ZNF277: variants seen among roughly 807,000 people sequenced by gnomAD.
ZNF277 encodes nuclear receptor-interacting factor 4.
In ZNF277, 55 loss-of-function variants were observed where a neutral mutation model predicts 60.7. That is an observed-to-expected ratio of 0.91 (90% CI 0.73 to 1.13). The LOEUF is 1.13. ZNF277 is among the 50% of genes most tolerant of loss of function. The pLI is 0.00. For missense variants in ZNF277, 510 were observed against 523.0 expected (o/e 0.98, Z 0.24); for synonymous variants, 178 against 179.3 (o/e 0.99, Z 0.06).
intron 1 of ZNF277, among the ~76,000 whole-genome samples, chr7:112,230,066 T>C (rs745658784): frequency 6.6e-6 from 1 of 152,232 alleles, no homozygotes; most frequent in Non-Finnish European, 1.5e-5. Context: ...ACTTGGAGTT[T>C]CTCCTACATG....
chr7:112,279,724 G>C (rs772034421), intron 1 of ZNF277, among the ~76,000 whole-genome samples: 1 of 151,990 alleles, frequency 6.6e-6, no homozygotes, highest in African/African-American at 2.4e-5. Flanking sequence ...CACGTATTTT[G>C]TATATATATT....
intron 1 of ZNF277, among the ~76,000 whole-genome samples, chr7:112,213,416 A>G (rs1054812955): frequency 1.3e-5 from 2 of 152,186 alleles, no homozygotes; most frequent in African/African-American, 4.8e-5. Flanking sequence ...TTATTTTCCT[A>G]TGACAAATCA....
At chr7:112,303,315 T>C (rs1792520568) in intron 4 of ZNF277, among the ~76,000 whole-genome samples, 1 of 152,108 alleles carries the variant, frequency 6.6e-6, no homozygotes, top group Non-Finnish European at 1.5e-5. Context: ...AGGACATAAA[T>C]ATGTATGTAA....
intron 1 of ZNF277, among the ~76,000 whole-genome samples, chr7:112,237,557 T>A (rs1248350409): frequency 6.6e-6 from 1 of 151,906 alleles, no homozygotes; most frequent in Non-Finnish European, 1.5e-5. Context: ...CAAAAGATCA[T>A]CAGAGACTAA....
intron 4 of ZNF277, among the ~76,000 whole-genome samples, chr7:112,302,913 T>A (rs1454617588): frequency 6.6e-6 from 1 of 151,744 alleles, no homozygotes; most frequent in Non-Finnish European, 1.5e-5. Context: ...CCAGGATACT[T>A]TATCACATTT....
intron 1 of ZNF277, among the ~76,000 whole-genome samples, chr7:112,227,495 A>T (rs962722553): frequency 3.9e-5 from 6 of 152,158 alleles, no homozygotes; most frequent in Admixed American, 2.0e-4. Flanking sequence ...CAATTTAAAC[A>T]GTTTTGGGCC....
intron 1 of ZNF277, among the ~76,000 whole-genome samples, chr7:112,218,234 G>T (rs1821937689): frequency 6.6e-6 from 1 of 152,168 alleles, no homozygotes; most frequent in Non-Finnish European, 1.5e-5. Flanking sequence ...AGTTTAATCA[G>T]GTAACAATGT....
At chr7:112,235,390 T>A (rs1315396609) in intron 1 of ZNF277, among the ~76,000 whole-genome samples, 2 of 152,142 alleles carry the variant, frequency 1.3e-5, no homozygotes, top group East Asian at 3.8e-4. Flanking sequence ...CAGCAGTGTC[T>A]GAGGCTCTAA....
chr7:112,326,641 T>TA (rs72193139), intron 5 of ZNF277, among the ~76,000 whole-genome samples: 4,575 of 145,064 alleles, frequency 0.032, 201 homozygotes, highest in African/African-American at 0.1. Context: ...CTTACATAGT[T>TA]AAAAAAAAAA....
intron 4 of ZNF277, among the ~76,000 whole-genome samples, chr7:112,309,909 A>G (rs1258508042): frequency 1.3e-5 from 2 of 152,088 alleles, no homozygotes; most frequent in South Asian, 2.1e-4. Context: ...CAAGTCAAAC[A>G]GAGAGACGCA....
intron 4 of ZNF277, among the ~76,000 whole-genome samples, chr7:112,317,749 A>G (rs1178490788): frequency 6.6e-6 from 1 of 152,078 alleles, no homozygotes; most frequent in African/African-American, 2.4e-5. Flanking sequence ...TAAAAACTGA[A>G]CTCAGAGGGG....
Position 112,285,723 on chromosome 7 carries a change from C to T in ZNF277, c.92-1150C>T, listed in dbSNP as rs915000787. 5.3e-5 allele frequency among the ~76,000 whole-genome samples: 8 copies of T among 151,554 alleles called. No individual in the cohort carries two copies. The East Asian group carries it at 9.7e-4, about 18-fold the overall frequency. ...CTCTGGGATTACAGATGTGAGCCAC[C>T]GCACTTACATAATTCTCAAGCCATG... On this transcript the variant is annotated intron_variant, in intron 1 of 11. Coordinates refer to ENST00000361822, the MANE Select transcript of ZNF277 (RefSeq NM_021994.3).
chr7:112,296,924 T>TATTTATTTATTTA (rs1252102643), intron 4 of ZNF277, among the ~76,000 whole-genome samples: 1 of 50,828 alleles, frequency 2.0e-5, no homozygotes, highest in African/African-American at 1.0e-4. Context: ...TTTTTTTTTT[T>TATTTATTTATTTA]TTTTTTTTTT....
chr7:112,327,435 G>A (rs1411106445), intron 5 of ZNF277, among the ~76,000 whole-genome samples: 2 of 151,894 alleles, frequency 1.3e-5, no homozygotes. Flanking sequence ...AACAGGCCAT[G>A]GACCGATACC....
At chr7:112,320,566 G>C (rs1191054046) in intron 5 of ZNF277, among the ~76,000 whole-genome samples, 1 of 152,042 alleles carries the variant, frequency 6.6e-6, no homozygotes, top group African/African-American at 2.4e-5. Flanking sequence ...ATGGATAACA[G>C]ACAAGGATAG....
chr7:112,330,548 C>T (rs1037008238), intron 7 of ZNF277: 33 of 108,104 alleles, frequency 3.1e-4, no homozygotes, highest in South Asian at 6.2e-4. Context: ...AGACTCCTTT[C>T]TTTTTTTTTT....
intron 4 of ZNF277, among the ~76,000 whole-genome samples, chr7:112,309,505 A>T (rs563074788): frequency 6.7e-4 from 102 of 152,062 alleles, no homozygotes; most frequent in African/African-American, 2.4e-3. Flanking sequence ...TACCGTTTTC[A>T]CTGAGTTTGA....
chr7:112,334,428 C>G (rs914005235), intron 7 of ZNF277, among the ~76,000 whole-genome samples: 3 of 121,830 alleles, frequency 2.5e-5, no homozygotes, highest in Non-Finnish European at 3.4e-5. Flanking sequence ...TGCTTTGGGT[C>G]TTGTTTCTAT....
intron 4 of ZNF277, among the ~76,000 whole-genome samples, chr7:112,298,240 G>A (rs764474079): frequency 6.6e-6 from 1 of 152,174 alleles, no homozygotes; most frequent in Non-Finnish European, 1.5e-5. Context: ...TGAAGATTAA[G>A]TGACATGTAA....
Sources: allele counts gnomAD v4.1 joint callset (sites outside exome capture counted in the v4.1 genomes callset), GRCh38; gene constraint gnomAD v4.1.1; transcripts MANE v1.5; gene names NCBI Gene and HGNC (gene_info 2026-07-23, HGNC 2026-07-21).